MAD1L1: variants seen among roughly 807,000 people sequenced by gnomAD.
MAD1L1 encodes mitotic spindle assembly checkpoint protein MAD1.
MAD1L1 carries 95 observed loss-of-function variants against 96.9 expected under a neutral mutation model. The ratio of observed to expected loss-of-function variants is 0.98; its 90% CI spans 0.83 to 1.16. MAD1L1 has a LOEUF of 1.16. MAD1L1 is among the 50% of genes most tolerant of loss of function. The pLI is 0.00. For missense variants in MAD1L1, 1,007 were observed against 954.4 expected, an observed-to-expected ratio of 1.06 and a Z score of -0.73; for synonymous variants, 473 against 396.6, an observed-to-expected ratio of 1.19 and a Z score of -2.29.
intron 11 of MAD1L1, chr7:2,148,709 G>C (rs1035878334): frequency 1.2e-5 from 2 of 166,830 alleles, no homozygotes; most frequent in Non-Finnish European, 2.6e-5. Context: ...CCTGAGTGAG[G>C]GGCATGTCTC....
intron 10 of MAD1L1, among the ~76,000 whole-genome samples, chr7:2,185,725 T>C (rs534547018): frequency 1.3e-5 from 2 of 152,168 alleles, no homozygotes; most frequent in East Asian, 3.9e-4. Flanking sequence ...TGACTGGGGA[T>C]TGAGGTGGAA....
intron 17 of MAD1L1, among the ~76,000 whole-genome samples, chr7:1,907,535 C>T (rs1431444972): frequency 6.6e-6 from 1 of 152,258 alleles, no homozygotes; most frequent in African/African-American, 2.4e-5. Flanking sequence ...TCCTACTCGG[C>T]GTAGGCCCGG....
At chr7:1,980,367 C>T in intron 15 of MAD1L1, 86 bp downstream of exon 15, 1 of 1,176,548 alleles carries the variant, frequency 8.5e-7, no homozygotes, top group Non-Finnish European at 1.2e-6. Flanking sequence ...TATCTGCCTC[C>T]TCCCCCGCAG....
Position 1,825,961 on chromosome 7 carries a change from C to T in MAD1L1, c.1999-9733G>A, listed in dbSNP as rs10235262. Among the ~76,000 whole-genome samples the T allele has an allele frequency of 2.8e-3, 423 of 152,238 alleles. 1 individual carries two copies. The highest frequency in any genetic ancestry group is 9.6e-3 in the African/African-American group (399 of 41,558). ...GGTTGGAGGCCAGCACGGTCCCAGC[C>T]CCAGGGTTGGAGGTCGGCGCGGCCC... On this transcript the variant is annotated intron_variant, in intron 18 of 18. Transcript: ENST00000265854.
At chr7:2,117,005 C>T (rs1470957656) in intron 11 of MAD1L1, among the ~76,000 whole-genome samples, 1 of 152,224 alleles carries the variant, frequency 6.6e-6, no homozygotes, top group Non-Finnish European at 1.5e-5. Context: ...GAAACCCGAC[C>T]TTGGGGAGCT....
chr7:2,205,762 A>G (rs1034009659), intron 10 of MAD1L1, among the ~76,000 whole-genome samples: 7 of 152,216 alleles, frequency 4.6e-5, no homozygotes, highest in Non-Finnish European at 1.0e-4. Context: ...CTTAATTTGC[A>G]TTCCCCTAAT....
intron 10 of MAD1L1, among the ~76,000 whole-genome samples, chr7:2,167,474 G>A (rs1417197948): frequency 2.0e-5 from 3 of 151,996 alleles, no homozygotes; most frequent in African/African-American, 4.8e-5. Context: ...GCGTGAACCC[G>A]GGAGGCGGAG....
At chr7:2,230,439 C>G (rs1794136317) in intron 2 of MAD1L1, 110 bp downstream of exon 2, 1 of 324,174 alleles carries the variant, frequency 3.1e-6, no homozygotes, top group African/African-American at 2.1e-5. Flanking sequence ...GCTCAGCACT[C>G]AGGTGGCACG....
At chr7:1,875,725 T>A (rs1348613814) in intron 18 of MAD1L1, among the ~76,000 whole-genome samples, 1 of 152,206 alleles carries the variant, frequency 6.6e-6, no homozygotes. Context: ...CACAGACGTG[T>A]GCGAACATCT....
intron 18 of MAD1L1, among the ~76,000 whole-genome samples, chr7:1,834,227 G>C (rs1356486424): frequency 6.6e-6 from 1 of 152,102 alleles, no homozygotes; most frequent in Non-Finnish European, 1.5e-5. Flanking sequence ...TTAAAAAAAA[G>C]AAGGTCTCAA....
chr7:1,887,287 G>A (rs115993225), intron 18 of MAD1L1, among the ~76,000 whole-genome samples: 23 of 152,262 alleles, frequency 1.5e-4, no homozygotes, highest in African/African-American at 5.3e-4. Flanking sequence ...GTGTGTATGT[G>A]GCTGCCTGTG....
At chr7:1,847,209 C>T in intron 18 of MAD1L1, 1 of 467,870 alleles carries the variant, frequency 2.1e-6, no homozygotes, top group South Asian at 1.6e-5. Context: ...TTGAAGGCCA[C>T]ACATCTTTTC....
intron 12 of MAD1L1, among the ~76,000 whole-genome samples, chr7:2,022,093 C>T (rs1782813434): frequency 6.6e-6 from 1 of 152,118 alleles, no homozygotes; most frequent in Non-Finnish European, 1.5e-5. Context: ...GTCGCTGGGA[C>T]TGCAGCTGTG....
chr7:1,858,261 G>A (rs573644912), intron 18 of MAD1L1, among the ~76,000 whole-genome samples: 1 of 152,342 alleles, frequency 6.6e-6, no homozygotes, highest in South Asian at 2.1e-4. Context: ...AGGAGATAGC[G>A]GTGCTGGGAT....
intron 11 of MAD1L1, among the ~76,000 whole-genome samples, chr7:2,095,128 C>T (rs940722618): frequency 3.3e-5 from 5 of 152,108 alleles, no homozygotes; most frequent in African/African-American, 1.2e-4. Context: ...CTACAAGCTC[C>T]GCCTCCGGGG....
chr7:2,100,922 G>A lies in MAD1L1; in HGVS notation c.1074-31584C>T, dbSNP rs1786751023. Among the ~76,000 whole-genome samples the A allele has an allele frequency of 4.6e-5, 7 of 152,300 alleles. No homozygotes were observed. The South Asian group carries it at 1.2e-3, about 27-fold the overall frequency. On this transcript the variant is annotated intron_variant, in intron 11 of 18. Coordinates refer to ENST00000265854, the MANE Select transcript of MAD1L1 (RefSeq NM_001013836.2). ...CCCCCCACCTCCACTCTGCAGACACGCCTGACAACTTGACGTTGGTGTTAA... is the reference window on the plus strand; with the variant it reads ...CCCCCCACCTCCACTCTGCAGACACACCTGACAACTTGACGTTGGTGTTAA...
At chr7:1,921,951 CACTAAAGT>C (rs945037077) in intron 17 of MAD1L1, among the ~76,000 whole-genome samples, 2 of 152,204 alleles carry the variant, frequency 1.3e-5, no homozygotes, top group African/African-American at 4.8e-5. Flanking sequence ...TTTATCAAAT[CACTAAAGT>C]ACTTACTAAG....
intron 11 of MAD1L1, among the ~76,000 whole-genome samples, chr7:2,101,293 G>T (rs569986103): frequency 1.6e-4 from 18 of 114,278 alleles, no homozygotes; most frequent in African/African-American, 5.4e-4. Flanking sequence ...CACTCCTAAA[G>T]GGTCTCCATT....
At position 2,198,641 on chromosome 7, in the gene MAD1L1, G is replaced by A. The variant is rs924116254; in HGVS notation, c.986+14571C>T. 3.9e-5 allele frequency among the ~76,000 whole-genome samples: 6 copies of A among 152,362 alleles called. No homozygotes were observed. The South Asian group carries it at 1.2e-3, about 32-fold the overall frequency. On this transcript the variant is annotated intron_variant, in intron 10 of 18. Coordinates refer to ENST00000265854, the MANE Select transcript of MAD1L1 (RefSeq NM_001013836.2). ...ACACACACTTCAGGCCCCCTCTCCA[G>A]GCTGCAGGCCAACAGGCGTCCATGA...
Sources: gnomAD v4.1 joint callset for allele counts (sites outside exome capture counted in the v4.1 genomes callset) on GRCh38, gnomAD v4.1.1 for gene constraint, MANE v1.5 for transcripts, NCBI Gene and HGNC (gene_info 2026-07-23, HGNC 2026-07-21) for gene names.